The following LMX1B variants were observed in gnomAD, a reference collection of about 807,000 sequenced individuals.
LMX1B encodes the protein LIM homeobox transcription factor 1 beta.
LMX1B carries 12 observed loss-of-function variants against 51.4 expected under a neutral mutation model. That is an observed-to-expected ratio of 0.23 (90% confidence interval 0.15 to 0.38). The LOEUF is 0.38. Among genes scored for constraint, LMX1B ranks in the 10% least tolerant of loss-of-function variants. The probability of loss-of-function intolerance (pLI) is 1.00; values close to 1 mark genes in which losing one functional copy is unlikely to be tolerated. For missense variants in LMX1B, 445 were observed against 571.1 expected (o/e 0.78, Z 2.25); for synonymous variants, 237 against 235.4 (o/e 1.01, Z -0.06).
At chr9:126,664,202 G>T (rs962802039) in intron 2 of LMX1B, among the ~76,000 whole-genome samples, 1 of 152,184 alleles carries the variant, frequency 6.6e-6, no homozygotes. Context: ...TCTCACATCT[G>T]TAAAGGGGAG....
chr9:126,691,691 C>G (rs2030139468), intron 3 of LMX1B, among the ~76,000 whole-genome samples: 1 of 152,180 alleles, frequency 6.6e-6, no homozygotes, highest in Admixed American at 6.5e-5. Context: ...AGCACCCAGT[C>G]CACAGGCTGG....
At chr9:126,643,810 C>A (rs1835850695) in intron 2 of LMX1B, among the ~76,000 whole-genome samples, 1 of 152,174 alleles carries the variant, frequency 6.6e-6, no homozygotes, top group Admixed American at 6.5e-5. Flanking sequence ...TAACTCGAAT[C>A]AATACTGTAT....
At position 126,651,532 on chromosome 9, in the gene LMX1B, T is replaced by TC. The variant is rs567511313; in HGVS notation, c.326+35970dup. Among the ~76,000 whole-genome samples, 98 of 151,304 alleles carry TC rather than the reference T, an allele frequency of 6.5e-4. 1 individual carries two copies. Among genetic ancestry groups the TC allele is most frequent in the Admixed American group, 1.4e-3 (22 of 15,206 alleles). On this transcript the variant is annotated intron_variant, in intron 2 of 7. Coordinates refer to ENST00000373474, the MANE Select transcript of LMX1B (RefSeq NM_001174147.2). ...AAGGGCCTTGGAGCCCACCTTCTTC[T>TC]CCCCCCCTCCCAACAACACACACAC...
chr9:126,683,426 C>T (rs962513794), intron 2 of LMX1B, among the ~76,000 whole-genome samples: 3 of 152,160 alleles, frequency 2.0e-5, no homozygotes, highest in Non-Finnish European at 2.9e-5. Context: ...GATAAGGACG[C>T]GGCAGGCACG....
At chr9:126,614,861 GGCA>G (rs1364970021) in intron 1 of LMX1B, among the ~76,000 whole-genome samples, 5 of 152,114 alleles carry the variant, frequency 3.3e-5, no homozygotes, top group Admixed American at 2.6e-4. Flanking sequence ...GGTGGCGGGT[GGCA>G]GGGGTGATGG....
chr9:126,687,657 C>G (rs949180847), intron 2 of LMX1B, among the ~76,000 whole-genome samples: 1 of 152,218 alleles, frequency 6.6e-6, no homozygotes. Context: ...TGACAACTCG[C>G]TACATCTTCA....
intron 2 of LMX1B, among the ~76,000 whole-genome samples, chr9:126,667,447 T>G (rs1836363258): frequency 6.6e-6 from 1 of 152,242 alleles, no homozygotes; most frequent in Non-Finnish European, 1.5e-5. Flanking sequence ...TCCTGGTACA[T>G]ATATCTTTGT....
intron 2 of LMX1B, among the ~76,000 whole-genome samples, chr9:126,629,536 C>T (rs1039044609): frequency 3.0e-4 from 45 of 152,042 alleles, no homozygotes; most frequent in Non-Finnish European, 1.8e-4. Flanking sequence ...CTTTCAGCAG[C>T]CTTTTGGGAG....
rs945686 is a variant in LMX1B, at chr9:126,615,747, G to C, written c.326+178G>C. On this transcript the variant is annotated intron_variant, in intron 2 of 7. Coordinates refer to ENST00000373474, the MANE Select transcript of LMX1B (RefSeq NM_001174147.2). This position sits in a 1 kb window ranked among gnomAD's most constrained non-coding sequence, Gnocchi z 6.0. ...CTGGGGCGGACCAGCCCAGCCCAGCGGGCACTGATGGGGTCCTGGGAGCCT... is the reference window on the plus strand; with the variant it reads ...CTGGGGCGGACCAGCCCAGCCCAGCCGGCACTGATGGGGTCCTGGGAGCCT... 0.75 allele frequency among the ~76,000 whole-genome samples: 114,554 copies of C among 151,988 alleles called. 43,437 individuals are homozygous for C. The highest frequency in any genetic ancestry group is 0.99 in the East Asian group (5,044 of 5,106).
chr9:126,626,441 G>A lies in LMX1B; in HGVS notation c.326+10872G>A, dbSNP rs1049895701. Among the ~76,000 whole-genome samples the A allele has an allele frequency of 3.9e-5, 6 of 152,202 alleles. No individual in the cohort carries two copies. The highest frequency in any genetic ancestry group is 2.1e-4 in the South Asian group (1 of 4,828). On this transcript the variant is annotated intron_variant, in intron 2 of 7. Coordinates refer to ENST00000373474, the MANE Select transcript of LMX1B (RefSeq NM_001174147.2). This position sits in a 1 kb window ranked among gnomAD's most constrained non-coding sequence, Gnocchi z 4.3. ...ACGAGTAGAGGGACAGGACATGGCCGGGGACCATGGGATTCGCTGCCATTA... is the reference window on the plus strand; with the variant it reads ...ACGAGTAGAGGGACAGGACATGGCCAGGGACCATGGGATTCGCTGCCATTA...
At chr9:126,689,009 A>G (rs1326759300) in intron 2 of LMX1B, among the ~76,000 whole-genome samples, 1 of 152,220 alleles carries the variant, frequency 6.6e-6, no homozygotes, top group African/African-American at 2.4e-5. Context: ...AACAGCCTTC[A>G]GGAAGGGCTT....
chr9:126,634,849 A>G (rs1398049910), intron 2 of LMX1B, among the ~76,000 whole-genome samples: 1 of 152,058 alleles, frequency 6.6e-6, no homozygotes, highest in Non-Finnish European at 1.5e-5. Flanking sequence ...AAAGGGGAGG[A>G]GGAGGGCTTT....
At chr9:126,617,002 G>A (rs1038651249) in intron 2 of LMX1B, among the ~76,000 whole-genome samples, 37 of 152,234 alleles carry the variant, frequency 2.4e-4, no homozygotes, top group African/African-American at 8.7e-4. Flanking sequence ...CTTCCTCTCA[G>A]TAGGAAGCAC....
chr9:126,653,616 A>G (rs1836061018), intron 2 of LMX1B, among the ~76,000 whole-genome samples: 2 of 152,194 alleles, frequency 1.3e-5, no homozygotes, highest in Admixed American at 6.5e-5. Context: ...TGCCGACTGC[A>G]CTTAGACTTC....
intron 2 of LMX1B, among the ~76,000 whole-genome samples, chr9:126,663,196 G>T (rs974486167): frequency 2.0e-5 from 2 of 102,334 alleles, no homozygotes; most frequent in Non-Finnish European, 4.4e-5. Flanking sequence ...GGAGGTTGAG[G>T]CGGGCGGATC....
At chr9:126,651,272 G>T (rs1196882653) in intron 2 of LMX1B, among the ~76,000 whole-genome samples, 3 of 151,470 alleles carry the variant, frequency 2.0e-5, no homozygotes, top group Admixed American at 2.0e-4. Flanking sequence ...TCAGCTGAGT[G>T]GGGGAGGCAC....
At position 126,615,396 on chromosome 9, in the gene LMX1B, G is replaced by T. The variant is rs1308898004; in HGVS notation, c.153G>T (p.Pro51=). Residue 51 remains proline, a synonymous_variant, in exon 2 of 8, where the codon CCG becomes CCT. Coordinates refer to ENST00000373474, the MANE Select transcript of LMX1B (RefSeq NM_001174147.2). This position sits in a 1 kb window ranked among gnomAD's most constrained non-coding sequence, Gnocchi z 6.0. ...TGTGCGCTACAGGCTCCGACTGCCC[G>T]CATCCCGCCGTCTGCGAGGGCTGCC... ...TLGVLLGSDC[P]HPAVCEGCQR... The T allele has an allele frequency of 6.3e-7, 1 of 1,599,932 alleles. No individual in the cohort carries two copies. The highest frequency in any genetic ancestry group is 8.5e-7 in the Non-Finnish European group (1 of 1,174,824).
At chr9:126,642,477 T>C (rs1408485413) in intron 2 of LMX1B, among the ~76,000 whole-genome samples, 1 of 152,156 alleles carries the variant, frequency 6.6e-6, no homozygotes, top group Non-Finnish European at 1.5e-5. Flanking sequence ...CCAAGAATGC[T>C]TTTTTCCTTC....
intron 2 of LMX1B, among the ~76,000 whole-genome samples, chr9:126,649,877 C>T (rs2118898963): frequency 6.6e-6 from 1 of 152,374 alleles, no homozygotes; most frequent in South Asian, 2.1e-4. Context: ...ATCTGCCCAC[C>T]TTGGCCTCCC....
Sources: allele counts gnomAD v4.1 joint callset (sites outside exome capture counted in the v4.1 genomes callset), GRCh38; gene constraint gnomAD v4.1.1; non-coding constraint Gnocchi (gnomAD v3.1); transcripts MANE v1.5; gene names NCBI Gene and HGNC (gene_info 2026-07-23, HGNC 2026-07-21).